GLDC: variants seen among roughly 807,000 people sequenced by gnomAD.
GLDC encodes the protein glycine dehydrogenase (decarboxylating), mitochondrial.
In GLDC, 104 loss-of-function variants were observed where a neutral mutation model predicts 121.3. That is an observed-to-expected ratio of 0.86 (90% CI 0.73 to 1.01). The LOEUF (loss-of-function observed/expected upper bound fraction) is 1.01. Among genes scored for constraint, GLDC ranks in the 50% least tolerant of loss-of-function variants. The probability of loss-of-function intolerance (pLI) is 0.00; values close to 1 mark genes in which losing one functional copy is unlikely to be tolerated. For synonymous variants in GLDC, 546 were observed against 480.6 expected (o/e 1.14, Z -1.78); for missense variants, 1,429 against 1,306.6 (o/e 1.09, Z -1.44).
At chr9:6,558,217 C>T in intron 17 of GLDC, 1 of 541,496 alleles carries the variant, frequency 1.8e-6, no homozygotes, top group East Asian at 3.0e-5. Context: ...GTTACAATTC[C>T]TGACACGAAG....
chr9:6,607,119 G>C (rs1818751472), intron 4 of GLDC, among the ~76,000 whole-genome samples: 1 of 152,124 alleles, frequency 6.6e-6, no homozygotes, highest in Non-Finnish European at 1.5e-5. Context: ...GGCATTTACT[G>C]ATTAGCATTC....
chr9:6,553,519 T>G lies in GLDC; in HGVS notation c.2316-10A>C, dbSNP rs1046747265. On this transcript the variant is annotated splice_polypyrimidine_tract_variant and intron_variant, in intron 19 of 24. Coordinates refer to ENST00000321612, the MANE Select transcript of GLDC (RefSeq NM_000170.3). ...GGCGAGATGTTTCTTCCTGTATTTT[T>G]TTTAAGTGCAAATTCAGAAAATGTA... The G allele has an allele frequency of 4.3e-6, 7 of 1,613,432 alleles. No individual in the cohort carries two copies. The Admixed American group carries it at 1.0e-4, about 23-fold the overall frequency.
At chr9:6,533,665 C>G (rs977015702) in intron 24 of GLDC, among the ~76,000 whole-genome samples, 1 of 151,704 alleles carries the variant, frequency 6.6e-6, no homozygotes, top group South Asian at 2.1e-4. Flanking sequence ...TCGAGACCAG[C>G]CTGATCGACA....
At chr9:6,580,918 G>A (rs992550771) in intron 15 of GLDC, among the ~76,000 whole-genome samples, 36 of 152,186 alleles carry the variant, frequency 2.4e-4, no homozygotes, top group African/African-American at 8.0e-4. Flanking sequence ...ACCTGTAGCA[G>A]ACAGGATCAT....
chr9:6,644,706 G>C lies in GLDC; in HGVS notation c.256-14C>G. 6.3e-7 allele frequency: 1 copy of C among 1,588,326 alleles called. No individual in the cohort carries two copies. The highest frequency in any genetic ancestry group is 1.7e-4 in the Middle Eastern group (1 of 6,024). ...TTCATCAATGCTCTAAAATTAAAACGCAAGGCAGAGGAAAGTGCCTCTGAG... is the reference window on the plus strand; with the variant it reads ...TTCATCAATGCTCTAAAATTAAAACCCAAGGCAGAGGAAAGTGCCTCTGAG... On this transcript the variant is annotated splice_polypyrimidine_tract_variant and intron_variant, in intron 1 of 24. Coordinates refer to ENST00000321612, the MANE Select transcript of GLDC (RefSeq NM_000170.3).
Position 6,556,155 on chromosome 9 carries a change from G to C in GLDC, c.2200C>G (p.Gln734Glu). 6.2e-7 allele frequency: 1 copy of C among 1,611,298 alleles called. No individual in the cohort carries two copies. The highest frequency in any genetic ancestry group is 1.1e-5 in the South Asian group (1 of 90,982). Residue 734 changes from glutamine (Q) to glutamate (E), a missense_variant and splice_region_variant, in exon 18 of 25, where the codon CAG becomes GAG. Physicochemically the swap from Gln to Glu is conservative, Grantham distance 29. Transcript: ENST00000321612. ...VYLDGANMNA[Q>E]VGICRPGDFG... Reference sequence around the variant, plus strand: ...GGGCGGGCCTCTTCAGTTCCCACCTGAGCATTCATATTTGCCCCGTCTAGG... The same window carrying C: ...GGGCGGGCCTCTTCAGTTCCCACCTCAGCATTCATATTTGCCCCGTCTAGG...
intron 15 of GLDC, among the ~76,000 whole-genome samples, chr9:6,581,356 C>G (rs1024896765): frequency 3.3e-5 from 5 of 152,216 alleles, no homozygotes; most frequent in African/African-American, 9.6e-5. Flanking sequence ...TCCAGCTTTC[C>G]TCACTTCCCT....
chr9:6,582,615 G>T (rs1481822112), intron 15 of GLDC, among the ~76,000 whole-genome samples: 5 of 152,066 alleles, frequency 3.3e-5, no homozygotes, highest in African/African-American at 9.7e-5. Flanking sequence ...GGATCACGAG[G>T]TCAGGAGATC....
At chr9:6,634,527 T>TCAAACAAACAAACAAACAAACAAA (rs140567848) in intron 2 of GLDC, among the ~76,000 whole-genome samples, 3 of 147,336 alleles carry the variant, frequency 2.0e-5, no homozygotes, top group African/African-American at 7.6e-5. Context: ...AGACCGTGTC[T>TCAAACAAACAAACAAACAAACAAA]CAAACAAACA....
chr9:6,584,169 T>G (rs986685684), intron 15 of GLDC, among the ~76,000 whole-genome samples: 1 of 152,242 alleles, frequency 6.6e-6, no homozygotes, highest in Non-Finnish European at 1.5e-5. Context: ...GATTCAAAAC[T>G]TTTTGTGACT....
chr9:6,545,108 GA>G (rs34257478), intron 21 of GLDC, among the ~76,000 whole-genome samples: 100,443 of 148,454 alleles, frequency 0.68, 34,427 homozygotes, highest in East Asian at 0.9. Context: ...TCAAAAAAAA[GA>G]AAAAAAAAAA....
At position 6,550,870 on chromosome 9, in the gene GLDC, T is replaced by C. The variant is rs1319920009; in HGVS notation, c.2502A>G (p.Ile834Met). The change falls in exon 21 of 25, where the codon ATA becomes ATG. Residue 834 changes from isoleucine (I) to methionine (M), a missense_variant. Transcript: ENST00000321612. The stretch of plus-strand genomic sequence containing the variant: ...GCTTGGCCATGTAGTTGGCATTTAA[T>C]ATCGCAGTTTCCGTGGCTTGTTTAA... Reference protein sequence around the residue: ...KGLKQATETAILNANYMAKRL... With the variant: ...KGLKQATETAMLNANYMAKRL... 6.2e-7 allele frequency: 1 copy of C among 1,613,924 alleles called. No homozygotes were observed. The highest frequency in any genetic ancestry group is 1.7e-5 in the Admixed American group (1 of 60,024).
At position 6,644,637 on chromosome 9, in the gene GLDC, G is replaced by A. The variant is rs2130029284; in HGVS notation, c.311C>T (p.Pro104Leu). The A allele has an allele frequency of 6.2e-7, 1 of 1,612,650 alleles. No homozygotes were observed. The highest frequency in any genetic ancestry group is 1.7e-5 in the Admixed American group (1 of 60,008). ...TVPANIRLKR[P>L]LKMEDPVCEN... ...ACAAACAGGGTCTTCCATTTTCAAG[G>A]GTCTTTTCAAACGGATGTTGGCAGG... is the stretch of plus-strand genomic sequence containing the variant. The change falls in exon 2 of 25, where the codon CCC becomes CTC. Residue 104 changes from proline (P) to leucine (L), a missense_variant. Coordinates refer to ENST00000321612, the MANE Select transcript of GLDC (RefSeq NM_000170.3).
chr9:6,639,496 A>T (rs1755601), intron 2 of GLDC: 253,975 of 853,904 alleles, frequency 0.3, 41,079 homozygotes, highest in East Asian at 0.53. Flanking sequence ...CTCTATGACA[A>T]TGATGTGGCC....
chr9:6,537,380 C>T (rs1169312321), intron 22 of GLDC, among the ~76,000 whole-genome samples: 1 of 152,190 alleles, frequency 6.6e-6, no homozygotes, highest in Non-Finnish European at 1.5e-5. Flanking sequence ...ACTAATCTTG[C>T]CCCAATGTGC....
At chr9:6,572,374 G>T (rs1817984729) in intron 15 of GLDC, among the ~76,000 whole-genome samples, 1 of 152,160 alleles carries the variant, frequency 6.6e-6, no homozygotes, top group African/African-American at 2.4e-5. Flanking sequence ...GTTACATTAG[G>T]ATGTTGAAAA....
At chr9:6,589,711 G>A (rs563639361) in intron 11 of GLDC, among the ~76,000 whole-genome samples, 3 of 152,234 alleles carry the variant, frequency 2.0e-5, no homozygotes, top group South Asian at 4.2e-4. Flanking sequence ...ACAGTCATGG[G>A]CCACTGAGCC....
rs534424415 is a variant in GLDC at position 6,593,966 on chromosome 9, T to C, written c.1262-976A>G. ...CCTCAGCCTCCCAAAGTGCTAGGAT[T>C]ACAGGCATGAGCCACTGTGCCTGGC... On this transcript the variant is annotated intron_variant, in intron 9 of 24. Coordinates refer to ENST00000321612, the MANE Select transcript of GLDC (RefSeq NM_000170.3). 4.6e-5 allele frequency among the ~76,000 whole-genome samples: 7 copies of C among 152,234 alleles called. 1 individual carries two copies. The highest frequency in any genetic ancestry group is 1.7e-4 in the African/African-American group (7 of 41,554).
At chr9:6,600,152 T>A (rs1263693727) in intron 8 of GLDC, among the ~76,000 whole-genome samples, 2 of 152,080 alleles carry the variant, frequency 1.3e-5, no homozygotes, top group Non-Finnish European at 2.9e-5. Context: ...TCACTTGAGC[T>A]CAGGAATTTG....
Sources: allele counts gnomAD v4.1 joint callset (sites outside exome capture counted in the v4.1 genomes callset), GRCh38; gene constraint gnomAD v4.1.1; transcripts MANE v1.5; gene names NCBI Gene and HGNC (gene_info 2026-07-23, HGNC 2026-07-21).